ATP2B2: variants seen among roughly 807,000 people sequenced by gnomAD.
ATP2B2 encodes the protein plasma membrane calcium-transporting ATPase 2.
A neutral mutation model predicts 120.0 loss-of-function variants in ATP2B2; 15 were observed. That is an observed-to-expected ratio of 0.12 (90% CI 0.08 to 0.19). ATP2B2 has a LOEUF of 0.19. Ranked by LOEUF, ATP2B2 falls within the 10% of genes least tolerant of loss-of-function variation. The pLI, the probability that ATP2B2 is intolerant of heterozygous loss-of-function variation, is 1.00. For missense variants in ATP2B2, 1,045 were observed against 1,719.8 expected, an observed-to-expected ratio of 0.61 and a Z score of 6.94; for synonymous variants, 694 against 700.3, an observed-to-expected ratio of 0.99 and a Z score of 0.14.
intron 2 of ATP2B2, among the ~76,000 whole-genome samples, chr3:10,610,859 C>T (rs4684720): frequency 6.6e-6 from 1 of 152,114 alleles, no homozygotes; most frequent in Non-Finnish European, 1.5e-5. Flanking sequence ...GCATGGAAGA[C>T]CCCTGCAGCC....
At chr3:10,600,316 C>G (rs989938070) in intron 2 of ATP2B2, among the ~76,000 whole-genome samples, 1 of 152,194 alleles carries the variant, frequency 6.6e-6, no homozygotes, top group Non-Finnish European at 1.5e-5. Context: ...GAGTAGTAAC[C>G]CATTGCTGAC....
chr3:10,434,289 T>C (rs1300749614), intron 2 of ATP2B2, among the ~76,000 whole-genome samples: 1 of 152,274 alleles, frequency 6.6e-6, no homozygotes. Flanking sequence ...TCTGGGTTTC[T>C]ACAGATTGGG....
At chr3:10,561,861 C>T (rs962309872) in intron 2 of ATP2B2, among the ~76,000 whole-genome samples, 3 of 152,168 alleles carry the variant, frequency 2.0e-5, no homozygotes, top group Non-Finnish European at 2.9e-5. Context: ...TACCCAGTCT[C>T]AGGTATGTCT....
At chr3:10,431,690 C>T (rs957323702) in intron 2 of ATP2B2, among the ~76,000 whole-genome samples, 1 of 151,900 alleles carries the variant, frequency 6.6e-6, no homozygotes, top group African/African-American at 2.4e-5. Flanking sequence ...TCTCCAGGGC[C>T]TAGAACTGTG....
intron 8 of ATP2B2, among the ~76,000 whole-genome samples, chr3:10,384,122 T>C (rs2061605980): frequency 6.6e-6 from 1 of 152,206 alleles, no homozygotes; most frequent in African/African-American, 2.4e-5. Context: ...CAGAAGTGCC[T>C]TACTCAGCCC....
In ATP2B2 at chr3:10,328,744, G is replaced by A; in HGVS notation, c.*70C>T. On this transcript the variant is annotated 3_prime_UTR_variant, in exon 23 of 23. Transcript: ENST00000360273. ...GCTTGGGTGAGTTGGGTGCCTGGAT[G>A]GATGGGTGCCCGGAAAGCGGGTGGC... The A allele has an allele frequency of 6.7e-7, 1 of 1,493,990 alleles. No homozygotes were observed. 92.5% of individuals were successfully genotyped at this position (1,493,990 alleles called of 1,614,324 possible).
chr3:10,358,696 G>T lies in ATP2B2; in HGVS notation c.2131C>A (p.Pro711Thr). 3.1e-6 allele frequency: 5 copies of T among 1,614,122 alleles called. No individual in the cohort carries two copies. Among genetic ancestry groups the T allele is most frequent in the Non-Finnish European group, 4.2e-6 (5 of 1,180,026 alleles). The change falls in exon 14 of 23, where the codon CCA (proline) becomes ACA (threonine). Residue 711 changes from proline to threonine, a missense_variant. By Grantham distance (38) the Pro-to-Thr change is conservative. Transcript: ENST00000360273. Reference protein sequence around the residue: ...CVVGIEDPVRPEVPEAIRKCQ... With the variant: ...CVVGIEDPVRTEVPEAIRKCQ... ...TCGCTGGCCCTGGGGCCTACCTCTG[G>T]CCGCACCGGGTCCTCGATGCCCACC... is the stretch of plus-strand genomic sequence containing the variant.
At chr3:10,332,299 G>C (rs149545253) in intron 22 of ATP2B2, 2 of 459,774 alleles carry the variant, frequency 4.3e-6, no homozygotes, top group Admixed American at 3.1e-5. Flanking sequence ...AAGGTACGGC[G>C]TCCAGAATGT....
intron 1 of ATP2B2, among the ~76,000 whole-genome samples, chr3:10,503,482 C>T (rs961073430): frequency 6.6e-6 from 1 of 152,248 alleles, no homozygotes; most frequent in Non-Finnish European, 1.5e-5. Flanking sequence ...CTGTGTGAGG[C>T]TGTGGCGGGC....
rs1269782656 is a variant in ATP2B2, at chr3:10,342,135, C to T, written c.2917+617G>A. Among the ~76,000 whole-genome samples the T allele has an allele frequency of 6.6e-6, 1 of 152,248 alleles. No homozygotes were observed. Among genetic ancestry groups the T allele is most frequent in the African/African-American group, 2.4e-5 (1 of 41,462 alleles). ...GTGGAAACCAGGCCAGTCTTGGCCC[C>T]AGCCAGACCTGGTTCTGTGCCCAGA... On this transcript the variant is annotated intron_variant, in intron 19 of 22. Coordinates refer to ENST00000360273, the MANE Select transcript of ATP2B2 (RefSeq NM_001001331.4). This position sits in a 1 kb window ranked among gnomAD's most constrained non-coding sequence, Gnocchi z 4.4.
chr3:10,364,807 T>G (rs2060996477), intron 12 of ATP2B2, among the ~76,000 whole-genome samples: 1 of 152,204 alleles, frequency 6.6e-6, no homozygotes, highest in African/African-American at 2.4e-5. Flanking sequence ...ATGTGATGAT[T>G]TTTCTAAGAG....
intron 2 of ATP2B2, among the ~76,000 whole-genome samples, chr3:10,541,398 A>C (rs114260061): frequency 1.3e-5 from 2 of 152,132 alleles, no homozygotes; most frequent in Non-Finnish European, 2.9e-5. Flanking sequence ...CTAGTTATGC[A>C]TGATGCTATA....
At chr3:10,533,291 C>T (rs2067247525) in intron 3 of ATP2B2, among the ~76,000 whole-genome samples, 1 of 152,204 alleles carries the variant, frequency 6.6e-6, no homozygotes, top group Admixed American at 6.5e-5. Context: ...AGAGAGATGG[C>T]TGCCCCATTT....
At position 10,340,513 on chromosome 3, in the gene ATP2B2, G is replaced by A. The variant is rs2060245647; in HGVS notation, c.3109C>T (p.Leu1037=). ...FRNPIFCTIV[L]GTFAIQIVIV... is the part of the protein sequence containing the mutation. ...ACTACCTGGATGGCAAAGGTGCCCA[G>A]CACGATGGTGCAGAAGATGGGGTTC... Residue 1037 remains leucine (L), a synonymous_variant, in exon 20 of 23, where the codon CTG becomes TTG. Coordinates refer to ENST00000360273, the MANE Select transcript of ATP2B2 (RefSeq NM_001001331.4). This position sits in a 1 kb window ranked among gnomAD's most constrained non-coding sequence, Gnocchi z 5.0. The A allele has an allele frequency of 1.2e-6, 2 of 1,614,100 alleles. No homozygotes were observed. The highest frequency in any genetic ancestry group is 2.2e-5 in the South Asian group (2 of 91,086).
rs746479460 is a variant in ATP2B2 at position 10,388,314 on chromosome 3, C to T, written c.870G>A (p.Gly290=). 7.4e-6 allele frequency: 12 copies of T among 1,614,084 alleles called. No homozygotes were observed. The East Asian group carries it at 1.8e-4, about 24-fold the overall frequency. Residue 290 remains glycine, a synonymous_variant, in exon 6 of 23, where the codon GGG becomes GGA. Transcript: ENST00000360273. The part of the protein sequence containing the change: ...SQTGIIFTLL[G]AGGEEEEKKD... ...TCTTCTCTTCCTCTTCACCACCAGCCCCCAGGAGGGTAAAGATGATGCCAG... is the reference window on the plus strand; with the variant it reads ...TCTTCTCTTCCTCTTCACCACCAGCTCCCAGGAGGGTAAAGATGATGCCAG...
chr3:10,630,200 C>G (rs2069823835), intron 1 of ATP2B2, among the ~76,000 whole-genome samples: 1 of 152,090 alleles, frequency 6.6e-6, no homozygotes, highest in Non-Finnish European at 1.5e-5. Flanking sequence ...AGTACATGTG[C>G]ATGTTTGTTA....
chr3:10,549,209 G>C (rs754554027), intron 2 of ATP2B2, among the ~76,000 whole-genome samples: 4 of 152,170 alleles, frequency 2.6e-5, no homozygotes, highest in Non-Finnish European at 5.9e-5. Flanking sequence ...CTGAGTTCTA[G>C]CATCACTAGG....
intron 2 of ATP2B2, among the ~76,000 whole-genome samples, chr3:10,612,974 G>A (rs1485058221): frequency 2.0e-5 from 3 of 152,176 alleles, no homozygotes; most frequent in Non-Finnish European, 4.4e-5. Context: ...CAGGATGGGG[G>A]CTGGGCACCA....
At chr3:10,622,275 G>A (rs1297969556) in intron 1 of ATP2B2, among the ~76,000 whole-genome samples, 1 of 152,164 alleles carries the variant, frequency 6.6e-6, no homozygotes, top group African/African-American at 2.4e-5. Context: ...ATGAAAGATT[G>A]ATGAGCAATC....
Sources: gnomAD v4.1 joint callset for allele counts (sites outside exome capture counted in the v4.1 genomes callset) on GRCh38, gnomAD v4.1.1 for gene constraint, Gnocchi (gnomAD v3.1) non-coding constraint, MANE v1.5 for transcripts, NCBI Gene and HGNC (gene_info 2026-07-23, HGNC 2026-07-21) for gene names.